Variants in TCERG1L observed in about 807,000 individuals in gnomAD.
The protein encoded by TCERG1L is transcription elongation regulator 1 like.
A neutral mutation model predicts 56.3 loss-of-function variants in TCERG1L; 37 were observed. The ratio of observed to expected loss-of-function variants is 0.66; its 90% CI spans 0.51 to 0.87. The LOEUF (loss-of-function observed/expected upper bound fraction) is 0.87. TCERG1L is among the 40% of genes least tolerant of loss of function. The probability of loss-of-function intolerance (pLI) is 0.00; values close to 1 mark genes in which losing one functional copy is unlikely to be tolerated. For missense variants in TCERG1L, 799 were observed against 774.2 expected (o/e 1.03, Z -0.38); for synonymous variants, 324 against 326.3 (o/e 0.99, Z 0.08).
intron 4 of TCERG1L, among the ~76,000 whole-genome samples, chr10:131,232,060 A>C (rs1589756178): frequency 6.6e-6 from 1 of 152,194 alleles, no homozygotes; most frequent in East Asian, 1.9e-4. Flanking sequence ...CCGCCCCAGA[A>C]GGGGCCATTC....
At chr10:131,171,493 G>A (rs1820321183) in intron 4 of TCERG1L, among the ~76,000 whole-genome samples, 1 of 152,164 alleles carries the variant, frequency 6.6e-6, no homozygotes, top group African/African-American at 2.4e-5. Context: ...CCAGGATGCG[G>A]GTCCAGTTGA....
At chr10:131,141,241 C>T (rs1845735607) in intron 7 of TCERG1L, among the ~76,000 whole-genome samples, 1 of 152,190 alleles carries the variant, frequency 6.6e-6, no homozygotes, top group South Asian at 2.1e-4. Context: ...CCGAGCCTTC[C>T]ACTCTTTGAG....
chr10:131,116,735 C>T lies in TCERG1L; in HGVS notation c.1395+64G>A, dbSNP rs942970512. ...GGAGGCGACCCTCAGGCAGGGACGG[C>T]CACTCAGCTGCTGTTCCCCCGGGTC... On this transcript the variant is annotated intron_variant, in intron 9 of 11. Transcript: ENST00000368642. The T allele has an allele frequency of 5.2e-6, 8 of 1,537,612 alleles. No individual in the cohort carries two copies. The African/African-American group carries it at 6.9e-5, about 13-fold the overall frequency.
In TCERG1L at chr10:131,134,424, G is replaced by T; in HGVS notation, c.1214C>A (p.Ser405Tyr). The change falls in exon 8 of 12, where the codon TCT (serine) becomes TAT (tyrosine). Residue 405 changes from serine to tyrosine, a missense_variant. Coordinates refer to ENST00000368642, the MANE Select transcript of TCERG1L (RefSeq NM_174937.4). ...ATCTTGGTCTTCCCTGTTGTCTTCA[G>T]AACTGGACCCATCGCTGTTGTCAGC... ...PATDNSDGSS[S>Y]EDNREDQDVK... 1 of 1,596,388 alleles carries T rather than the reference G, an allele frequency of 6.3e-7. No homozygotes were observed. The highest frequency in any genetic ancestry group is 2.2e-5 in the East Asian group (1 of 44,466).
chr10:131,240,897 G>A (rs763698218), intron 4 of TCERG1L, among the ~76,000 whole-genome samples: 11 of 152,362 alleles, frequency 7.2e-5, no homozygotes, highest in African/African-American at 2.2e-4. Flanking sequence ...GGTCCCCTGC[G>A]AGGGGCTGCA....
intron 4 of TCERG1L, among the ~76,000 whole-genome samples, chr10:131,216,735 T>C (rs1453213265): frequency 2.6e-5 from 4 of 152,152 alleles, no homozygotes; most frequent in East Asian, 1.9e-4. Flanking sequence ...CAAATAGATA[T>C]TGGTGGCATT....
intron 8 of TCERG1L, among the ~76,000 whole-genome samples, chr10:131,133,136 C>A (rs1845636793): frequency 1.3e-5 from 2 of 152,210 alleles, no homozygotes; most frequent in Non-Finnish European, 2.9e-5. Context: ...AGAGAAGAGT[C>A]TGCCCTGACC....
chr10:131,242,110 T>C (rs969948077), intron 4 of TCERG1L, among the ~76,000 whole-genome samples: 1 of 152,020 alleles, frequency 6.6e-6, no homozygotes, highest in East Asian at 1.9e-4. Context: ...TATTAGGAGG[T>C]TGTTTCTGGC....
rs550197603 is a variant in TCERG1L at position 131,107,226 on chromosome 10, A to T, written c.1396-2872T>A. Among the ~76,000 whole-genome samples the T allele has an allele frequency of 2.4e-4, 37 of 152,322 alleles. No individual in the cohort carries two copies. The South Asian group carries it at 6.0e-3, about 25-fold the overall frequency. On this transcript the variant is annotated intron_variant, in intron 9 of 11. Transcript: ENST00000368642. ...GATGGCACACACCCACCTCACGGGGACCTGTGCATAGCCCGATGGTCCCAG... is the reference window on the plus strand; with the variant it reads ...GATGGCACACACCCACCTCACGGGGTCCTGTGCATAGCCCGATGGTCCCAG...
intron 4 of TCERG1L, among the ~76,000 whole-genome samples, chr10:131,215,692 G>C (rs1024953246): frequency 6.6e-6 from 1 of 152,172 alleles, no homozygotes; most frequent in African/African-American, 2.4e-5. Context: ...GGAAGAGGAG[G>C]GGAAGTCAGC....
chr10:131,150,350 C>A (rs1161996593), intron 6 of TCERG1L, among the ~76,000 whole-genome samples: 2 of 94,182 alleles, frequency 2.1e-5, no homozygotes, highest in Admixed American at 1.1e-4. Flanking sequence ...TGAGGCATCT[C>A]CAGTTCACTA....
chr10:131,144,143 A>C (rs1589727362), intron 7 of TCERG1L, among the ~76,000 whole-genome samples: 1 of 152,286 alleles, frequency 6.6e-6, no homozygotes, highest in South Asian at 2.1e-4. Flanking sequence ...GCCATGTTAC[A>C]AAATTCTTCT....
intron 8 of TCERG1L, among the ~76,000 whole-genome samples, chr10:131,117,545 C>T (rs999425625): frequency 3.9e-5 from 6 of 152,232 alleles, no homozygotes; most frequent in African/African-American, 1.4e-4. Context: ...TGGAGAAGTT[C>T]CCTCCCACAG....
chr10:131,134,220 G>T (rs1845650501), intron 8 of TCERG1L, among the ~76,000 whole-genome samples, 159 bp downstream of exon 8: 2 of 152,186 alleles, frequency 1.3e-5, no homozygotes, highest in Non-Finnish European at 2.9e-5. Context: ...AGGTGCCCAG[G>T]ACACTGCTAA....
intron 9 of TCERG1L, among the ~76,000 whole-genome samples, chr10:131,107,955 CTA>C (rs1491440361): frequency 1.1e-5 from 1 of 92,628 alleles, no homozygotes; most frequent in African/African-American, 4.6e-5. Flanking sequence ...ACATGTGTGC[CTA>C]CACACACACA....
chr10:131,223,491 C>T (rs144435936), intron 4 of TCERG1L, among the ~76,000 whole-genome samples: 31 of 152,280 alleles, frequency 2.0e-4, no homozygotes, highest in African/African-American at 7.0e-4. Context: ...CTATATCTGC[C>T]GTTTCTATTT....
At position 131,248,663 on chromosome 10, in the gene TCERG1L, C is replaced by T. The variant is rs528020676; in HGVS notation, c.856+11596G>A. Among the ~76,000 whole-genome samples the T allele has an allele frequency of 3.0e-4, 46 of 152,326 alleles. No individual in the cohort carries two copies. In the South Asian group the frequency reaches 7.9e-3, roughly 26 times the overall value. Reference sequence around the variant, plus strand: ...CAGGAACACAGGGAATGAGAGCCCCCGTGCTGCCCTCAAACACATGCAGCT... The same window carrying T: ...CAGGAACACAGGGAATGAGAGCCCCTGTGCTGCCCTCAAACACATGCAGCT... On this transcript the variant is annotated intron_variant, in intron 4 of 11. Coordinates refer to ENST00000368642, the MANE Select transcript of TCERG1L (RefSeq NM_174937.4).
intron 4 of TCERG1L, among the ~76,000 whole-genome samples, chr10:131,243,185 C>T (rs1321710074): frequency 6.6e-6 from 1 of 152,192 alleles, no homozygotes; most frequent in African/African-American, 2.4e-5. Flanking sequence ...CCTCTCCACA[C>T]TCACGCCCTG....
At chr10:131,148,134 AC>A (rs2133416107) in intron 6 of TCERG1L, among the ~76,000 whole-genome samples, 1 of 152,350 alleles carries the variant, frequency 6.6e-6, no homozygotes, top group South Asian at 2.1e-4. Context: ...GGTGTGCATC[AC>A]CTTACATGGC....
Sources: allele counts gnomAD v4.1 joint callset (sites outside exome capture counted in the v4.1 genomes callset), GRCh38; gene constraint gnomAD v4.1.1; transcripts MANE v1.5; gene names NCBI Gene and HGNC (gene_info 2026-07-23, HGNC 2026-07-21).